Variants in CAMTA1 observed in about 807,000 individuals in gnomAD.
CAMTA1 encodes calmodulin-binding transcription activator 1.
A neutral mutation model predicts 170.9 loss-of-function variants in CAMTA1; 27 were observed. That is an observed-to-expected ratio of 0.16 (90% CI 0.12 to 0.22). The LOEUF is 0.22. Ranked by LOEUF, CAMTA1 falls within the 10% of genes least tolerant of loss-of-function variation. The pLI is 1.00. For missense variants in CAMTA1, 1,619 were observed against 2,217.2 expected (o/e 0.73, Z 5.42); for synonymous variants, 833 against 891.5 (o/e 0.93, Z 1.17).
At chr1:7,046,574 T>C (rs1050430454) in intron 3 of CAMTA1, among the ~76,000 whole-genome samples, 5 of 152,188 alleles carry the variant, frequency 3.3e-5, no homozygotes, top group Non-Finnish European at 5.9e-5. Flanking sequence ...CATTTCTTAG[T>C]GCCTAACTCT....
chr1:7,664,869 C>G lies in CAMTA1; in HGVS notation c.2322C>G (p.Ser774=), dbSNP rs1363627181. ...ACATCTCCTTCAGCAACCAGTTCTC[C>G]GACCTGATCAACGACTTCATCTCCG... ...HFDISFSNQF[S]DLINDFISVE... is the part of the protein sequence containing the mutation. Residue 774 remains serine (S), a synonymous_variant, in exon 9 of 23, where the codon TCC becomes TCG. Coordinates refer to ENST00000303635, the MANE Select transcript of CAMTA1 (RefSeq NM_015215.4). The G allele has an allele frequency of 6.2e-7, 1 of 1,613,374 alleles. No homozygotes were observed. Among genetic ancestry groups the G allele is most frequent in the Non-Finnish European group, 8.5e-7 (1 of 1,180,014 alleles).
At chr1:7,464,481 G>A (rs977148981) in intron 5 of CAMTA1, among the ~76,000 whole-genome samples, 1 of 152,210 alleles carries the variant, frequency 6.6e-6, no homozygotes, top group East Asian at 1.9e-4. Context: ...AATTGGCTTG[G>A]TAATGACCTT....
At chr1:7,725,950 G>A (rs1274071330) in intron 11 of CAMTA1, among the ~76,000 whole-genome samples, 1 of 152,066 alleles carries the variant, frequency 6.6e-6, no homozygotes, top group Non-Finnish European at 1.5e-5. Flanking sequence ...GGAACAGGCG[G>A]GTGGGTCACA....
intron 6 of CAMTA1, among the ~76,000 whole-genome samples, chr1:7,504,607 C>T (rs950958059): frequency 2.6e-5 from 4 of 152,272 alleles, no homozygotes; most frequent in African/African-American, 9.6e-5. Flanking sequence ...CTGCCTGCTC[C>T]ACCTGCAAGA....
At chr1:6,820,897 A>T (rs760895102) in intron 2 of CAMTA1, among the ~76,000 whole-genome samples, 2 of 152,230 alleles carry the variant, frequency 1.3e-5, no homozygotes, top group Non-Finnish European at 2.9e-5. Context: ...AATTGAAGTG[A>T]TGGCTTACAG....
At chr1:6,998,013 T>G (rs1697591481) in intron 3 of CAMTA1, among the ~76,000 whole-genome samples, 1 of 152,120 alleles carries the variant, frequency 6.6e-6, no homozygotes, top group Non-Finnish European at 1.5e-5. Context: ...TTTTGATGCA[T>G]TCTGGTAAGC....
intron 5 of CAMTA1, among the ~76,000 whole-genome samples, chr1:7,344,094 T>C (rs576827475): frequency 5.8e-4 from 88 of 152,358 alleles, no homozygotes; most frequent in African/African-American, 2.0e-3. Context: ...AACCACATCA[T>C]GGGTGTTGCT....
intron 3 of CAMTA1, among the ~76,000 whole-genome samples, chr1:6,980,077 C>G (rs1339915507): frequency 6.6e-6 from 1 of 152,206 alleles, no homozygotes; most frequent in Non-Finnish European, 1.5e-5. Context: ...GCTTTTCTTT[C>G]AGAGAGAAGC....
At chr1:6,949,793 A>T (rs368429918) in intron 3 of CAMTA1, among the ~76,000 whole-genome samples, 1 of 152,094 alleles carries the variant, frequency 6.6e-6, no homozygotes, top group African/African-American at 2.4e-5. Flanking sequence ...AAAGCCACAC[A>T]ACAAGTAAGT....
chr1:7,742,531 C>G (rs1475680382), intron 16 of CAMTA1, among the ~76,000 whole-genome samples: 1 of 152,074 alleles, frequency 6.6e-6, no homozygotes, highest in Non-Finnish European at 1.5e-5. Context: ...GAATAAAAAT[C>G]CAAAGCTACC....
rs888939348 is a variant in CAMTA1, at chr1:7,299,768, C to G, written c.438+50142C>G. Among the ~76,000 whole-genome samples, 6 of 152,152 alleles carry G rather than the reference C, an allele frequency of 3.9e-5. No homozygotes were observed. Among genetic ancestry groups the G allele is most frequent in the Admixed American group, 1.3e-4 (2 of 15,274 alleles). ...CCCCTCACTGAGACAGGATTTCTAG[C>G]CCCTCTCTTTGGTTTGTGTCATTTT... On this transcript the variant is annotated intron_variant, in intron 5 of 22. Coordinates refer to ENST00000303635, the MANE Select transcript of CAMTA1 (RefSeq NM_015215.4). This position sits in a 1 kb window ranked among gnomAD's most constrained non-coding sequence, Gnocchi z 4.7.
intron 3 of CAMTA1, among the ~76,000 whole-genome samples, chr1:6,913,573 G>A (rs115496512): frequency 0.024 from 3,593 of 152,276 alleles, 48 homozygotes; most frequent in South Asian, 0.031. Flanking sequence ...CTTCCCAGAA[G>A]TTTCTTCCTG....
At chr1:7,384,052 C>A (rs1317511734) in intron 5 of CAMTA1, among the ~76,000 whole-genome samples, 2 of 152,198 alleles carry the variant, frequency 1.3e-5, no homozygotes, top group African/African-American at 4.8e-5. Context: ...GGCTGCCACG[C>A]CCTGCTCCAA....
At chr1:7,353,709 C>G (rs1352438873) in intron 5 of CAMTA1, among the ~76,000 whole-genome samples, 1 of 152,090 alleles carries the variant, frequency 6.6e-6, no homozygotes, top group Non-Finnish European at 1.5e-5. Context: ...CAGGTGTGAG[C>G]CACCGTGCTG....
chr1:7,199,895 C>T (rs1369140543), intron 4 of CAMTA1, among the ~76,000 whole-genome samples: 1 of 152,238 alleles, frequency 6.6e-6, no homozygotes, highest in East Asian at 1.9e-4. Flanking sequence ...TACCTGGCCC[C>T]ATCCTCCCCA....
intron 5 of CAMTA1, among the ~76,000 whole-genome samples, chr1:7,313,794 C>T (rs539311727): frequency 4.6e-5 from 7 of 152,104 alleles, no homozygotes; most frequent in East Asian, 3.9e-4. Flanking sequence ...GAAAGAAGTA[C>T]GTAGGGAGAC....
intron 5 of CAMTA1, among the ~76,000 whole-genome samples, chr1:7,386,321 C>T (rs770969566): frequency 1.2e-4 from 19 of 152,318 alleles, no homozygotes; most frequent in Non-Finnish European, 1.0e-4. Context: ...CATGAGCAGC[C>T]GCCGTCACCC....
intron 4 of CAMTA1, among the ~76,000 whole-genome samples, chr1:7,180,717 G>T (rs1651969783): frequency 6.6e-6 from 1 of 151,860 alleles, no homozygotes; most frequent in Non-Finnish European, 1.5e-5. Context: ...TCACCATGTT[G>T]CCCAGGCTGG....
chr1:7,663,603 C>T lies in CAMTA1; in HGVS notation c.1056C>T (p.Pro352=), dbSNP rs575534336. 55 of 1,614,104 alleles carry T rather than the reference C, an allele frequency of 3.4e-5. No homozygotes were observed. Among genetic ancestry groups the T allele is most frequent in the East Asian group, 1.3e-4 (6 of 44,886 alleles). ...EVSSTNQVEV[P]DTTQSSPVSI... ...CCTCCACCAACCAGGTGGAAGTCCC[C>T]GACACCACCCAGAGCTCCCCTGTGT... Residue 352 remains proline (P), a synonymous_variant, in exon 9 of 23, where the codon CCC becomes CCT. Coordinates refer to ENST00000303635, the MANE Select transcript of CAMTA1 (RefSeq NM_015215.4).
Sources: gnomAD v4.1 joint callset for allele counts (sites outside exome capture counted in the v4.1 genomes callset) on GRCh38, gnomAD v4.1.1 for gene constraint, Gnocchi (gnomAD v3.1) non-coding constraint, MANE v1.5 for transcripts, NCBI Gene and HGNC (gene_info 2026-07-23, HGNC 2026-07-21) for gene names.